Variants in IL20RA observed in about 807,000 individuals in gnomAD.
IL20RA encodes the protein interleukin-20 receptor subunit alpha.
In IL20RA, 29 loss-of-function variants were observed where a neutral mutation model predicts 36.5. That is an observed-to-expected ratio of 0.79 (90% CI 0.59 to 1.08). The LOEUF (loss-of-function observed/expected upper bound fraction) is 1.08. IL20RA is among the 50% of genes least tolerant of loss of function. The pLI is 0.00. For synonymous variants in IL20RA, 279 were observed against 267.1 expected (o/e 1.04, Z -0.43); for missense variants, 652 against 668.4 (o/e 0.98, Z 0.27).
At chr6:137,005,049 C>T (rs1251355379) in intron 5 of IL20RA, among the ~76,000 whole-genome samples, 3 of 152,196 alleles carry the variant, frequency 2.0e-5, no homozygotes, top group African/African-American at 4.8e-5. Flanking sequence ...ATTCCACCAT[C>T]GTATGTCTGG....
chr6:137,002,322 A>G lies in IL20RA; in HGVS notation c.898T>C (p.Phe300Leu), dbSNP rs1470507673. ...ACGATTTTTTCAGCAGGCACAAAGA[A>G]TCTTTTGTCAAATTCATTTCCATAA... is the stretch of plus-strand genomic sequence containing the variant. ...LIYGNEFDKRFFVPAEKIVIN... is the reference protein window; with the variant it reads ...LIYGNEFDKRLFVPAEKIVIN... The change falls in exon 7 of 7, where the codon TTC becomes CTC. Residue 300 changes from phenylalanine (F) to leucine (L), a missense_variant. Coordinates refer to ENST00000316649, the MANE Select transcript of IL20RA (RefSeq NM_014432.4). 6.2e-7 allele frequency: 1 copy of G among 1,601,594 alleles called. No homozygotes were observed. Among genetic ancestry groups the G allele is most frequent in the East Asian group, 2.2e-5 (1 of 44,846 alleles).
chr6:137,010,295 T>C (rs1402808875), intron 3 of IL20RA, among the ~76,000 whole-genome samples: 1 of 152,254 alleles, frequency 6.6e-6, no homozygotes, highest in East Asian at 1.9e-4. Context: ...ACTCTTGCTG[T>C]ATTGCGAAAG....
chr6:137,033,901 G>A (rs1776383273), intron 1 of IL20RA, among the ~76,000 whole-genome samples: 1 of 152,184 alleles, frequency 6.6e-6, no homozygotes, highest in African/African-American at 2.4e-5. Context: ...TCAATTCACT[G>A]TTTCATTGCA....
chr6:137,023,905 C>T (rs1775995764), intron 1 of IL20RA, among the ~76,000 whole-genome samples: 1 of 152,086 alleles, frequency 6.6e-6, no homozygotes, highest in Admixed American at 6.6e-5. Flanking sequence ...ACCAGCCTGG[C>T]CAACATGGTG....
chr6:137,040,776 G>GA (rs531357922), intron 1 of IL20RA, among the ~76,000 whole-genome samples: 1 of 151,972 alleles, frequency 6.6e-6, no homozygotes, highest in African/African-American at 2.4e-5. Flanking sequence ...AATAAATGTG[G>GA]AAAAAAAGAG....
chr6:137,019,048 T>C (rs886864580), intron 1 of IL20RA, among the ~76,000 whole-genome samples: 11 of 152,222 alleles, frequency 7.2e-5, no homozygotes, highest in African/African-American at 1.7e-4. Context: ...AGAAGTTATC[T>C]TAGATAGTAT....
intron 6 of IL20RA, among the ~76,000 whole-genome samples, chr6:137,003,330 G>T (rs1775148390): frequency 6.6e-6 from 1 of 152,176 alleles, no homozygotes; most frequent in Non-Finnish European, 1.5e-5. Flanking sequence ...TAGTTCTCAA[G>T]AAAATGGTTT....
intron 1 of IL20RA, among the ~76,000 whole-genome samples, chr6:137,041,594 T>G (rs1450558783): frequency 2.0e-5 from 3 of 152,150 alleles, no homozygotes; most frequent in African/African-American, 7.2e-5. Context: ...GAATAACTTC[T>G]CAGTGAAATA....
intron 2 of IL20RA, among the ~76,000 whole-genome samples, chr6:137,013,700 C>T (rs1021838034): frequency 2.5e-4 from 38 of 152,230 alleles, no homozygotes; most frequent in East Asian, 3.9e-4. Context: ...GGAAAATTTT[C>T]ACCTTGGAAA....
chr6:137,017,775 A>G (rs1179474839), intron 1 of IL20RA, among the ~76,000 whole-genome samples: 1 of 152,180 alleles, frequency 6.6e-6, no homozygotes, highest in African/African-American at 2.4e-5. Context: ...TTAAATAAAC[A>G]CTGATATGTT....
rs764459408 is a variant in IL20RA, at chr6:137,009,480, G to A, written c.416C>T (p.Pro139Leu). The A allele has an allele frequency of 9.9e-6, 16 of 1,608,880 alleles. No homozygotes were observed. The highest frequency in any genetic ancestry group is 1.4e-5 in the Non-Finnish European group (16 of 1,175,360). ...ATCTGTAGTCAGTGCCACCTCTGGT[G>A]GGCCAATTTGTGCTTAAAGGGGGAG... ...FYPFLETQIGPPEVALTTDEK... is the reference protein window; with the variant it reads ...FYPFLETQIGLPEVALTTDEK... Residue 139 changes from proline (P) to leucine (L), a missense_variant, in exon 4 of 7, where the codon CCA becomes CTA. By Grantham distance (98) the Pro-to-Leu change is moderately conservative. Transcript: ENST00000316649.
In IL20RA at chr6:137,044,654, A is replaced by G. The variant is rs1294837525; in HGVS notation, c.75T>C (p.Pro25=). 1.5e-5 allele frequency: 18 copies of G among 1,220,566 alleles called. No individual in the cohort carries two copies. The highest frequency in any genetic ancestry group is 1.8e-5 in the Non-Finnish European group (18 of 980,576). 75.6% of individuals were successfully genotyped at this position (1,220,566 alleles called of 1,614,324 possible). ...CGACCCACCTACCTGCCCGTCCCCA[A>G]GGCGCCGCCAGGAGCAACAGCAGCA... ...PPLLLLLLAA[P]WGRAVPCVSG... The change falls in exon 1 of 7, where the codon CCT becomes CCC. Residue 25 remains proline (P), a synonymous_variant. Coordinates refer to ENST00000316649, the MANE Select transcript of IL20RA (RefSeq NM_014432.4).
chr6:137,041,521 A>C (rs1776691080), intron 1 of IL20RA, among the ~76,000 whole-genome samples: 1 of 152,228 alleles, frequency 6.6e-6, no homozygotes, highest in Non-Finnish European at 1.5e-5. Context: ...CTGCAAGTTT[A>C]ATTAGTTCAC....
At position 137,044,950 on chromosome 6, in the gene IL20RA, G is replaced by A. The variant is rs1208105790; in HGVS notation, c.-222C>T. 2 of 343,884 alleles carry A rather than the reference G, an allele frequency of 5.8e-6. No individual in the cohort carries two copies. Among genetic ancestry groups the A allele is most frequent in the South Asian group, 1.5e-4 (1 of 6,722 alleles). 21.3% of individuals were successfully genotyped at this position (343,884 alleles called of 1,614,324 possible). On this transcript the variant is annotated 5_prime_UTR_variant, in exon 1 of 7. Coordinates refer to ENST00000316649, the MANE Select transcript of IL20RA (RefSeq NM_014432.4). ...GCGGAGCCCCCACGCGCGCTCCCCC[G>A]GCTACCCAGCTGGATGGCAGCGCGA...
In IL20RA at chr6:137,036,355, T is replaced by C. The variant is rs371498936; in HGVS notation, c.88+8286A>G. 2.0e-5 allele frequency among the ~76,000 whole-genome samples: 3 copies of C among 152,322 alleles called. No homozygotes were observed. The East Asian group carries it at 5.8e-4, about 29-fold the overall frequency. The stretch of plus-strand genomic sequence containing the variant: ...ATTGTGTTGCCCAAAAGAAATATGT[T>C]GACATCCTAACTTCTAGTACCTCAG... On this transcript the variant is annotated intron_variant, in intron 1 of 6. Coordinates refer to ENST00000316649, the MANE Select transcript of IL20RA (RefSeq NM_014432.4).
chr6:137,012,509 T>C (rs546860523), intron 2 of IL20RA, among the ~76,000 whole-genome samples: 3 of 152,224 alleles, frequency 2.0e-5, no homozygotes, highest in Admixed American at 6.5e-5. Flanking sequence ...AGCCTGAGTA[T>C]GTTAGAGATA....
chr6:137,025,227 G>A (rs919779367), intron 1 of IL20RA, among the ~76,000 whole-genome samples: 1 of 152,210 alleles, frequency 6.6e-6, no homozygotes, highest in African/African-American at 2.4e-5. Flanking sequence ...GGTGTTTGGA[G>A]GTGGGGCCTT....
At chr6:137,032,350 C>T (rs1470968909) in intron 1 of IL20RA, among the ~76,000 whole-genome samples, 1 of 152,160 alleles carries the variant, frequency 6.6e-6, no homozygotes, top group Admixed American at 6.5e-5. Flanking sequence ...GAAGTGATGG[C>T]CTGGTACTGC....
intron 6 of IL20RA, among the ~76,000 whole-genome samples, chr6:137,003,894 A>G (rs1038246807): frequency 6.6e-6 from 1 of 151,966 alleles, no homozygotes; most frequent in Admixed American, 6.6e-5. Context: ...CTCACCTCTC[A>G]TAGCCAAGCC....
Sources: allele counts gnomAD v4.1 joint callset (sites outside exome capture counted in the v4.1 genomes callset), GRCh38; gene constraint gnomAD v4.1.1; transcripts MANE v1.5; gene names NCBI Gene and HGNC (gene_info 2026-07-23, HGNC 2026-07-21).